The following PACS1 variants were observed in gnomAD, a reference collection of about 807,000 sequenced individuals.
PACS1 encodes the protein phosphofurin acidic cluster sorting protein 1, also known as PACS-1.
PACS1 carries 24 observed loss-of-function variants against 115.0 expected under a neutral mutation model. The ratio of observed to expected loss-of-function variants is 0.21; its 90% confidence interval spans 0.15 to 0.29. PACS1 has a LOEUF of 0.29. PACS1 is among the 10% of genes least tolerant of loss of function. The pLI, the probability that PACS1 is intolerant of heterozygous loss-of-function variation, is 1.00. For missense variants in PACS1, 838 were observed against 1,251.2 expected (o/e 0.67, Z 4.98); for synonymous variants, 453 against 504.5 (o/e 0.90, Z 1.37).
intron 1 of PACS1, among the ~76,000 whole-genome samples, chr11:66,192,121 A>T (rs950371494): frequency 9.9e-5 from 15 of 152,148 alleles, no homozygotes; most frequent in Admixed American, 9.8e-4. Flanking sequence ...AAAACAAAAC[A>T]TGAATTATAT....
intron 6 of PACS1, 29 bp from the exon 7 acceptor site, chr11:66,216,666 A>C (rs768580022): frequency 3.1e-6 from 5 of 1,611,610 alleles, no homozygotes; most frequent in Non-Finnish European, 4.2e-6. Flanking sequence ...GGGGTTTCCC[A>C]CCCTCATTCT....
In PACS1 at chr11:66,219,771, T is replaced by G; in HGVS notation, c.1004T>G (p.Val335Gly). 6.2e-7 allele frequency: 1 copy of G among 1,613,878 alleles called. No homozygotes were observed. The highest frequency in any genetic ancestry group is 1.1e-5 in the South Asian group (1 of 91,078). Residue 335 changes from valine (V) to glycine (G), a missense_variant, in exon 8 of 24, where the codon GTG (valine) becomes GGG (glycine). Around this residue, in one of 6 missense-constraint regions of PACS1, gnomAD observed 223 missense variants for 354.0 expected, o/e 0.63. Coordinates refer to ENST00000320580, the MANE Select transcript of PACS1 (RefSeq NM_018026.4). ...TRQPNIKQKF[V>G]ALLKRFKVSD... is the part of the protein sequence containing the mutation. ...CAACCTAACATCAAACAGAAGTTTGTGGCCCTCCTGAAGCGGTTTAAAGTT... is the reference window on the plus strand; with the variant it reads ...CAACCTAACATCAAACAGAAGTTTGGGGCCCTCCTGAAGCGGTTTAAAGTT...
intron 1 of PACS1, among the ~76,000 whole-genome samples, chr11:66,191,090 T>C (rs1287106479): frequency 6.6e-6 from 1 of 152,228 alleles, no homozygotes; most frequent in African/African-American, 2.4e-5. Flanking sequence ...ACGGAAGGTG[T>C]GGACAGGGTG....
chr11:66,138,140 A>G (rs1858892268), intron 1 of PACS1, among the ~76,000 whole-genome samples: 2 of 151,842 alleles, frequency 1.3e-5, no homozygotes, highest in African/African-American at 4.9e-5. Context: ...CACTCAGGCT[A>G]GAGTGCAGTG....
At position 66,230,923 on chromosome 11, in the gene PACS1, C is replaced by T; in HGVS notation, c.1609C>T (p.Leu537=). The T allele has an allele frequency of 1.2e-6, 2 of 1,613,990 alleles. No individual in the cohort carries two copies. The highest frequency in any genetic ancestry group is 2.2e-5 in the East Asian group (1 of 44,900). ...NSSDSERSPD[L]GHSTQIPRKV... ...TTCCGACAGCGAGCGCTCCCCAGAT[C>T]TGGGCCACAGCACGCAGGTACTTCT... The change falls in exon 13 of 24, where the codon CTG becomes TTG. Residue 537 remains leucine (L), a synonymous_variant. Transcript: ENST00000320580.
rs532871057 is a variant in PACS1, at chr11:66,109,747, A to G, written c.356+38905A>G. Reference sequence around the variant, plus strand: ...GATTTGTTTCTGATTTCTTTTCCTTAGTAAGTTTGAGTTGAACCTTTAGTT... The same window carrying G: ...GATTTGTTTCTGATTTCTTTTCCTTGGTAAGTTTGAGTTGAACCTTTAGTT... On this transcript the variant is annotated intron_variant, in intron 1 of 23. Coordinates refer to ENST00000320580, the MANE Select transcript of PACS1 (RefSeq NM_018026.4). Among the ~76,000 whole-genome samples, 9 of 152,304 alleles carry G rather than the reference A, an allele frequency of 5.9e-5. No homozygotes were observed. The South Asian group carries it at 1.7e-3, about 28-fold the overall frequency.
At chr11:66,193,239 G>A (rs1854569745) in intron 1 of PACS1, among the ~76,000 whole-genome samples, 1 of 152,192 alleles carries the variant, frequency 6.6e-6, no homozygotes. Flanking sequence ...AGCTACTCAG[G>A]AGGCCAAGAC....
chr11:66,202,726 G>GGGGAAAAAAAAAAAAAA (rs1554988658), intron 2 of PACS1, among the ~76,000 whole-genome samples: 2 of 10,962 alleles, frequency 1.8e-4, no homozygotes, highest in Admixed American at 1.9e-3. Flanking sequence ...TCATCTCTAG[G>GGGGAAAAAAAAAAAAAA]AAAAAAAAAA....
At chr11:66,232,374 G>A (rs1357883872) in intron 14 of PACS1, 98 bp downstream of exon 14, 1 of 698,054 alleles carries the variant, frequency 1.4e-6, no homozygotes, top group Admixed American at 2.2e-5. Context: ...GTGGGGAGGT[G>A]GGGAACTCAC....
chr11:66,215,868 C>T (rs1855189502), intron 4 of PACS1, among the ~76,000 whole-genome samples: 1 of 150,184 alleles, frequency 6.7e-6, no homozygotes. Flanking sequence ...CCACTGCACT[C>T]CAGCCTGGGC....
intron 1 of PACS1, among the ~76,000 whole-genome samples, chr11:66,095,282 G>A (rs1282209560): frequency 1.3e-5 from 2 of 151,826 alleles, no homozygotes; most frequent in Non-Finnish European, 2.9e-5. Flanking sequence ...TGACATGATT[G>A]TATATCTAGA....
intron 2 of PACS1, among the ~76,000 whole-genome samples, chr11:66,206,414 T>G (rs1627404): frequency 0.96 from 146,719 of 152,238 alleles, 70,919 homozygotes; most frequent in Middle Eastern, 1. Context: ...GGAAGGGTAG[T>G]AAAGATGAGG....
intron 2 of PACS1, among the ~76,000 whole-genome samples, chr11:66,201,091 C>T (rs1357768719): frequency 4.6e-5 from 7 of 151,884 alleles, no homozygotes; most frequent in African/African-American, 1.5e-4. Flanking sequence ...TGGTGGCAGG[C>T]GCCTGTAGTC....
At chr11:66,193,361 C>G in intron 1 of PACS1, 125 bp from the exon 2 acceptor site, 1 of 627,278 alleles carries the variant, frequency 1.6e-6, no homozygotes, top group Non-Finnish European at 3.0e-6. Flanking sequence ...AGAGGGGACC[C>G]CTGGGACTGA....
intron 1 of PACS1, among the ~76,000 whole-genome samples, chr11:66,141,733 G>A (rs890603047): frequency 1.3e-5 from 2 of 151,298 alleles, no homozygotes; most frequent in African/African-American, 4.9e-5. Context: ...CCTACGTAAT[G>A]GGCCCTACAG....
At chr11:66,202,726 G>GGAAAAAAAAAAAAA (rs1554988658) in intron 2 of PACS1, among the ~76,000 whole-genome samples, 1 of 10,964 alleles carries the variant, frequency 9.1e-5, no homozygotes. Context: ...TCATCTCTAG[G>GGAAAAAAAAAAAAA]AAAAAAAAAA....
At position 66,126,504 on chromosome 11, in the gene PACS1, A is replaced by T. The variant is rs770271701; in HGVS notation, c.356+55662A>T. Among the ~76,000 whole-genome samples, 35 of 152,322 alleles carry T rather than the reference A, an allele frequency of 2.3e-4. 1 individual carries two copies. The Middle Eastern group carries it at 0.02, about 89-fold the overall frequency. On this transcript the variant is annotated intron_variant, in intron 1 of 23. Transcript: ENST00000320580. ...AATAAGTGTTAGCCATTAGAAAATG[A>T]ATTTAAATTACTGGTCTGTCCCTAT...
At chr11:66,154,647 A>G (rs749502304) in intron 1 of PACS1, among the ~76,000 whole-genome samples, 1 of 152,224 alleles carries the variant, frequency 6.6e-6, no homozygotes, top group Non-Finnish European at 1.5e-5. Flanking sequence ...AGTACTAGGG[A>G]TAAATTTAAC....
At chr11:66,214,551 C>T (rs1855153066) in intron 4 of PACS1, among the ~76,000 whole-genome samples, 1 of 149,812 alleles carries the variant, frequency 6.7e-6, no homozygotes, top group Admixed American at 6.7e-5. Flanking sequence ...CCCTCCCTCC[C>T]TCCCTCCATC....
Sources: gnomAD v4.1 joint callset for allele counts (sites outside exome capture counted in the v4.1 genomes callset) on GRCh38, gnomAD v4.1.1 for gene constraint, gnomAD v4.1.1 regional missense constraint, MANE v1.5 for transcripts, NCBI Gene and HGNC (gene_info 2026-07-23, HGNC 2026-07-21) for gene names.